The following UBE2E3 variants were observed in gnomAD, a reference collection of about 807,000 sequenced individuals.
UBE2E3 encodes ubiquitin conjugating enzyme E2 E3.
In UBE2E3, 5 loss-of-function variants were observed where a neutral mutation model predicts 23.6. That is an observed-to-expected ratio of 0.21 (90% CI 0.11 to 0.44). The LOEUF is 0.44. Among genes scored for constraint, UBE2E3 ranks in the 20% least tolerant of loss-of-function variants. The probability of loss-of-function intolerance (pLI) is 0.99; values close to 1 mark genes in which losing one functional copy is unlikely to be tolerated. For synonymous variants in UBE2E3, 78 were observed against 87.5 expected, an observed-to-expected ratio of 0.89 and a Z score of 0.60; for missense variants, 81 against 249.8, an observed-to-expected ratio of 0.32 and a Z score of 4.55.
intron 3 of UBE2E3, among the ~76,000 whole-genome samples, chr2:181,026,207 T>C (rs1685877716): frequency 6.6e-6 from 1 of 151,924 alleles, no homozygotes; most frequent in Non-Finnish European, 1.5e-5. Context: ...AAAATAATGA[T>C]TGAAGCTAAT....
chr2:181,060,144 G>A (rs1402291847), intron 4 of UBE2E3, among the ~76,000 whole-genome samples: 1 of 151,700 alleles, frequency 6.6e-6, no homozygotes, highest in African/African-American at 2.4e-5. Flanking sequence ...AAGGCAGGTA[G>A]TGTGAATGAT....
chr2:181,043,300 T>G (rs1477888828), intron 3 of UBE2E3, among the ~76,000 whole-genome samples: 2 of 152,166 alleles, frequency 1.3e-5, no homozygotes, highest in Non-Finnish European at 2.9e-5. Context: ...GCATATAAAT[T>G]CAAGAGTAAG....
intron 3 of UBE2E3, among the ~76,000 whole-genome samples, chr2:181,036,054 TGGACAGAATGAA>T (rs1371519454): frequency 6.6e-6 from 1 of 152,178 alleles, no homozygotes; most frequent in Non-Finnish European, 1.5e-5. Context: ...CTTATTGAAA[TGGACAGAATGAA>T]GGACTTGGCT....
chr2:181,058,296 T>A (rs961331630), intron 4 of UBE2E3, among the ~76,000 whole-genome samples: 2 of 151,756 alleles, frequency 1.3e-5, no homozygotes, highest in African/African-American at 4.8e-5. Context: ...ACTAATAATA[T>A]TTAGTAAACT....
intron 3 of UBE2E3, among the ~76,000 whole-genome samples, chr2:180,992,974 A>T (rs537131348): frequency 6.6e-6 from 1 of 152,204 alleles, no homozygotes; most frequent in African/African-American, 2.4e-5. Context: ...CCACATTTAT[A>T]TATTTCATTT....
intron 3 of UBE2E3, among the ~76,000 whole-genome samples, chr2:180,985,839 A>G (rs1407484523): frequency 1.3e-5 from 2 of 152,174 alleles, no homozygotes; most frequent in Non-Finnish European, 2.9e-5. Context: ...AAACTAATGT[A>G]CGTGCATAAA....
At chr2:181,012,795 A>C (rs1480804866) in intron 3 of UBE2E3, among the ~76,000 whole-genome samples, 1 of 152,136 alleles carries the variant, frequency 6.6e-6, no homozygotes, top group Non-Finnish European at 1.5e-5. Flanking sequence ...CATTAGACTA[A>C]AGTTTTATTA....
chr2:181,053,791 G>T (rs115470462), intron 3 of UBE2E3, among the ~76,000 whole-genome samples: 6 of 151,558 alleles, frequency 4.0e-5, no homozygotes, highest in Non-Finnish European at 8.9e-5. Context: ...TGACATATCC[G>T]CCATTCATAC....
chr2:180,992,539 CTG>C (rs10577743), intron 3 of UBE2E3, among the ~76,000 whole-genome samples: 35,261 of 152,096 alleles, frequency 0.23, 4,443 homozygotes, highest in Non-Finnish European at 0.28. Context: ...CAGCTCTTCT[CTG>C]TGTTGACTTA....
At chr2:181,011,398 T>C (rs1279828590) in intron 3 of UBE2E3, among the ~76,000 whole-genome samples, 1 of 152,016 alleles carries the variant, frequency 6.6e-6, no homozygotes, top group Non-Finnish European at 1.5e-5. Context: ...CAGTCTTTTA[T>C]AATTAACTCA....
intron 3 of UBE2E3, among the ~76,000 whole-genome samples, chr2:181,045,200 G>A (rs1398069441): frequency 3.3e-5 from 5 of 152,180 alleles, no homozygotes; most frequent in Non-Finnish European, 5.9e-5. Flanking sequence ...AGGTTGTAGA[G>A]ACGTTTTCTC....
intron 3 of UBE2E3, among the ~76,000 whole-genome samples, chr2:181,010,416 G>T (rs746954528): frequency 2.6e-5 from 4 of 152,042 alleles, no homozygotes; most frequent in Non-Finnish European, 5.9e-5. Flanking sequence ...TACAAGTCGC[G>T]CTCTTATTGC....
chr2:181,023,460 C>T (rs1405168454), intron 3 of UBE2E3, among the ~76,000 whole-genome samples: 2 of 152,120 alleles, frequency 1.3e-5, no homozygotes, highest in African/African-American at 4.8e-5. Context: ...AAAATTAATG[C>T]TTTCACCTTT....
At chr2:181,023,614 T>G (rs1174184444) in intron 3 of UBE2E3, among the ~76,000 whole-genome samples, 1 of 152,152 alleles carries the variant, frequency 6.6e-6, no homozygotes, top group Non-Finnish European at 1.5e-5. Context: ...GCTCTTTAAG[T>G]AACTCTACTC....
intron 3 of UBE2E3, among the ~76,000 whole-genome samples, chr2:181,017,670 A>T (rs1685538525): frequency 6.7e-6 from 1 of 148,562 alleles, no homozygotes; most frequent in Non-Finnish European, 1.5e-5. Context: ...TTTAATACGG[A>T]AGTGTCATAT....
intron 3 of UBE2E3, among the ~76,000 whole-genome samples, chr2:181,021,457 CTCTT>C (rs1029541111): frequency 5.7e-5 from 8 of 141,326 alleles, no homozygotes; most frequent in South Asian, 4.9e-4. Flanking sequence ...CCCTCCCTCT[CTCTT>C]TCTTTTTCTC....
chr2:181,045,753 G>T (rs528639024), intron 3 of UBE2E3, among the ~76,000 whole-genome samples: 2 of 152,134 alleles, frequency 1.3e-5, no homozygotes, highest in African/African-American at 2.4e-5. Context: ...TCTTAAGAAG[G>T]TTGCTTATTA....
At chr2:180,999,264 A>G (rs987462162) in intron 3 of UBE2E3, among the ~76,000 whole-genome samples, 22 of 152,232 alleles carry the variant, frequency 1.4e-4, no homozygotes, top group Non-Finnish European at 3.2e-4. Context: ...AGTAGGCTAA[A>G]GAAGAAAAAC....
chr2:180,991,407 A>C (rs556386399), intron 3 of UBE2E3, among the ~76,000 whole-genome samples: 1 of 152,218 alleles, frequency 6.6e-6, no homozygotes, highest in Non-Finnish European at 1.5e-5. Context: ...AACTGCCAGC[A>C]TCACTACTCT....
Sources: allele counts gnomAD v4.1 joint callset (sites outside exome capture counted in the v4.1 genomes callset), GRCh38; gene constraint gnomAD v4.1.1; transcripts MANE v1.5; gene names NCBI Gene and HGNC (gene_info 2026-07-23, HGNC 2026-07-21).